The following DTHD1 variants were observed in gnomAD, a reference collection of about 807,000 sequenced individuals.
The protein encoded by DTHD1 is death domain containing 1, also known as death domain-containing protein 1.
In DTHD1, 59 loss-of-function variants were observed where a neutral mutation model predicts 74.8. The observed-to-expected ratio is 0.79, with a 90% CI of 0.64 to 0.98. The LOEUF is 0.98. Ranked by LOEUF, DTHD1 falls within the 50% of genes least tolerant of loss-of-function variation. The probability of loss-of-function intolerance (pLI) is 0.00; values close to 1 mark genes in which losing one functional copy is unlikely to be tolerated. For missense variants in DTHD1, 1,051 were observed against 1,065.4 expected (o/e 0.99, Z 0.19); for synonymous variants, 365 against 371.1 (o/e 0.98, Z 0.19).
chr4:36,288,753 A>G (rs1446597156), intron 2 of DTHD1, among the ~76,000 whole-genome samples: 2 of 152,192 alleles, frequency 1.3e-5, no homozygotes, highest in Non-Finnish European at 2.9e-5. Context: ...AGAGAATGGA[A>G]CCATTTAAAA....
chr4:36,346,615 A>G lies in DTHD1; in HGVS notation c.*2791A>G, dbSNP rs1252100128. 6.6e-6 allele frequency among the ~76,000 whole-genome samples: 1 copy of G among 151,970 alleles called. No individual in the cohort carries two copies. The highest frequency in any genetic ancestry group is 2.4e-5 in the African/African-American group (1 of 41,384). On this transcript the variant is annotated 3_prime_UTR_variant, in exon 10 of 10. Coordinates refer to ENST00000639862, the MANE Select transcript of DTHD1 (RefSeq NM_001170700.3). ...ACCCTCAGTATTGATAGACACACCC[A>G]TACCTTTGCATACCCATTTCTCTGT...
chr4:36,342,090 C>T (rs1304189507), intron 9 of DTHD1, among the ~76,000 whole-genome samples: 15 of 152,066 alleles, frequency 9.9e-5, no homozygotes, highest in African/African-American at 2.4e-5. Flanking sequence ...AAACTGGGGT[C>T]GGAGGTGTGA....
At chr4:36,307,086 T>G (rs1315967771) in intron 6 of DTHD1, among the ~76,000 whole-genome samples, 1 of 152,214 alleles carries the variant, frequency 6.6e-6, no homozygotes, top group Non-Finnish European at 1.5e-5. Flanking sequence ...GGTCAGTCCT[T>G]GTCTATGGAT....
rs775552771 is a variant in DTHD1, at chr4:36,294,838, A to G, written c.1442A>G (p.Gln481Arg). The change falls in exon 5 of 10, where the codon CAG (glutamine) becomes CGG (arginine). Residue 481 changes from glutamine (Q) to arginine (R), a missense_variant. Physicochemically the swap from Gln to Arg is conservative, Grantham distance 43. Transcript: ENST00000639862. ...DPALVAHLKA[Q>R]QDTFYSVQST... ...GCTCTGGTGGCACATTTAAAAGCAC[A>G]GCAAGATACTTTCTACTCAGTCCAA... 4 of 1,550,694 alleles carry G rather than the reference A, an allele frequency of 2.6e-6. No homozygotes were observed. Among genetic ancestry groups the G allele is most frequent in the Non-Finnish European group, 3.5e-6 (4 of 1,146,064 alleles).
intron 8 of DTHD1, among the ~76,000 whole-genome samples, chr4:36,324,743 A>G (rs1232767974): frequency 6.6e-6 from 1 of 152,248 alleles, no homozygotes; most frequent in African/African-American, 2.4e-5. Context: ...AAAACTTTAA[A>G]AGTTATAAAA....
At position 36,344,674 on chromosome 4, in the gene DTHD1, AAG is replaced by A. The variant is rs1759500108; in HGVS notation, c.*855_*856del. 6.6e-6 allele frequency: 1 copy of A among 152,162 alleles called. No individual in the cohort carries two copies. Among genetic ancestry groups the A allele is most frequent in the Non-Finnish European group, 1.5e-5 (1 of 68,046 alleles). 9.4% of individuals were successfully genotyped at this position (152,162 alleles called of 1,614,324 possible). On this transcript the variant is annotated 3_prime_UTR_variant, in exon 10 of 10. Transcript: ENST00000639862. ...CTGGCCAGCTTTTCCTGAATTCCAA[AAG>A]AGAGGAGGGTATTATGGAGTCATGT...
At chr4:36,313,408 G>T (rs1328978693) in intron 7 of DTHD1, among the ~76,000 whole-genome samples, 2 of 65,014 alleles carry the variant, frequency 3.1e-5, no homozygotes, top group Admixed American at 2.2e-4. Flanking sequence ...AAATATGCCA[G>T]TGAGGGAGGA....
chr4:36,285,864 A>C (rs1755682672), intron 2 of DTHD1, among the ~76,000 whole-genome samples: 1 of 152,164 alleles, frequency 6.6e-6, no homozygotes, highest in Non-Finnish European at 1.5e-5. Flanking sequence ...TATTCACACC[A>C]GGTAAATGTT....
chr4:36,324,333 G>A (rs1359897929), intron 8 of DTHD1, among the ~76,000 whole-genome samples: 14 of 151,990 alleles, frequency 9.2e-5, no homozygotes, highest in Admixed American at 8.5e-4. Context: ...TCTCTGTTTA[G>A]AGGGCAGTAT....
chr4:36,340,247 C>T (rs890642919), intron 9 of DTHD1, among the ~76,000 whole-genome samples: 4 of 152,156 alleles, frequency 2.6e-5, no homozygotes, highest in Admixed American at 6.6e-5. Context: ...CAAATAAAGA[C>T]GTTTAGACAA....
chr4:36,289,934 T>G (rs1028368877), intron 2 of DTHD1, among the ~76,000 whole-genome samples: 1 of 151,976 alleles, frequency 6.6e-6, no homozygotes, highest in Non-Finnish European at 1.5e-5. Context: ...ATTCTAATAC[T>G]TCATATATGT....
intron 8 of DTHD1, among the ~76,000 whole-genome samples, chr4:36,337,507 T>C (rs1000296491): frequency 2.3e-4 from 35 of 152,224 alleles, no homozygotes; most frequent in African/African-American, 8.4e-4. Flanking sequence ...TGCCCTTTGA[T>C]GGGAATGATA....
chr4:36,333,539 G>A (rs572857048), intron 8 of DTHD1: 4 of 152,244 alleles, frequency 2.6e-5, no homozygotes, highest in South Asian at 2.1e-4. Flanking sequence ...CAATTGCTTC[G>A]CTTGGAAGGG....
chr4:36,320,262 C>T (rs1019267295), intron 8 of DTHD1, among the ~76,000 whole-genome samples: 1 of 152,088 alleles, frequency 6.6e-6, no homozygotes, highest in African/African-American at 2.4e-5. Flanking sequence ...TTTTCTCTCC[C>T]CAAGGGTGAC....
intron 8 of DTHD1, among the ~76,000 whole-genome samples, chr4:36,318,658 A>G (rs1402475333): frequency 8.4e-6 from 1 of 119,020 alleles, no homozygotes; most frequent in Non-Finnish European, 1.6e-5. Flanking sequence ...TCTGTCGCCC[A>G]GGCTGGAGTG....
intron 9 of DTHD1, among the ~76,000 whole-genome samples, chr4:36,342,749 A>C (rs1285022024): frequency 6.6e-6 from 1 of 151,646 alleles, no homozygotes; most frequent in Non-Finnish European, 1.5e-5. Flanking sequence ...AATAAGGAGA[A>C]ATAGGTTTTG....
chr4:36,333,087 C>CAT (rs1478132238), intron 8 of DTHD1, among the ~76,000 whole-genome samples: 1 of 151,972 alleles, frequency 6.6e-6, no homozygotes, highest in East Asian at 1.9e-4. Context: ...CCTAAAAATG[C>CAT]ATGCACATAT....
In DTHD1 at chr4:36,316,302, G is replaced by A. The variant is rs537399211; in HGVS notation, c.2156G>A (p.Arg719Lys). ...TLIFHLQRKPRLELQIKEVDE... is the reference protein window; with the variant it reads ...TLIFHLQRKPKLELQIKEVDE... ...ATTTTTCACTTGCAAAGAAAACCTA[G>A]GCTGGAACTCCAAATCAAAGAAGTG... Residue 719 changes from arginine to lysine, a missense_variant, in exon 8 of 10, where the codon AGG becomes AAG. Coordinates refer to ENST00000639862, the MANE Select transcript of DTHD1 (RefSeq NM_001170700.3). 19 of 1,551,834 alleles carry A rather than the reference G, an allele frequency of 1.2e-5. No homozygotes were observed. In the South Asian group the frequency reaches 2.1e-4, roughly 17 times the overall value.
Position 36,347,410 on chromosome 4 carries a change from T to G in DTHD1, c.*3586T>G, listed in dbSNP as rs1759642239. On this transcript the variant is annotated 3_prime_UTR_variant, in exon 10 of 10. Coordinates refer to ENST00000639862, the MANE Select transcript of DTHD1 (RefSeq NM_001170700.3). ...ATTAAAATTTTCATATCAATTAGAC[T>G]GTAGTCCCAATATATACCTAAGAGC... Among the ~76,000 whole-genome samples, 1 of 152,164 alleles carries G rather than the reference T, an allele frequency of 6.6e-6. No individual in the cohort carries two copies. The highest frequency in any genetic ancestry group is 1.5e-5 in the Non-Finnish European group (1 of 68,006).
Sources: gnomAD v4.1 joint callset for allele counts (sites outside exome capture counted in the v4.1 genomes callset) on GRCh38, gnomAD v4.1.1 for gene constraint, MANE v1.5 for transcripts, NCBI Gene and HGNC (gene_info 2026-07-23, HGNC 2026-07-21) for gene names.